GRIK2: variants seen among roughly 807,000 people sequenced by gnomAD.
GRIK2 encodes glutamate receptor ionotropic, kainate 2.
A neutral mutation model predicts 100.3 loss-of-function variants in GRIK2; 32 were observed. That is an observed-to-expected ratio of 0.32 (90% CI 0.24 to 0.43). The LOEUF (loss-of-function observed/expected upper bound fraction) is 0.43, where lower values mean the gene tolerates loss of function less well. Among genes scored for constraint, GRIK2 ranks in the 20% least tolerant of loss-of-function variants. The pLI, the probability that GRIK2 is intolerant of heterozygous loss-of-function variation, is 1.00. For missense variants in GRIK2, 843 were observed against 1,114.9 expected, an observed-to-expected ratio of 0.76 and a Z score of 3.47; for synonymous variants, 417 against 389.4, an observed-to-expected ratio of 1.07 and a Z score of -0.83.
At chr6:101,890,182 AC>A (rs1219274645) in intron 12 of GRIK2, 4 of 191,318 alleles carry the variant, frequency 2.1e-5, no homozygotes, top group Admixed American at 1.8e-4. Flanking sequence ...AAGAACCAAA[AC>A]TAAAATAACA....
chr6:101,652,105 A>C (rs191701025), intron 4 of GRIK2, among the ~76,000 whole-genome samples: 103 of 152,276 alleles, frequency 6.8e-4, no homozygotes, highest in African/African-American at 2.2e-3. Flanking sequence ...GTTTCCGTGG[A>C]GTGATGGAGG....
chr6:101,424,724 C>G (rs992930767), intron 2 of GRIK2, among the ~76,000 whole-genome samples: 202 of 151,860 alleles, frequency 1.3e-3, no homozygotes, highest in African/African-American at 4.6e-3. Flanking sequence ...CCTCTCCCCC[C>G]ACCCACAACA....
chr6:101,455,996 G>A (rs138135191), intron 2 of GRIK2, among the ~76,000 whole-genome samples: 4 of 151,656 alleles, frequency 2.6e-5, no homozygotes, highest in African/African-American at 9.7e-5. Flanking sequence ...AACTCAAAAA[G>A]CTAACATGGC....
intron 16 of GRIK2, chr6:102,065,863 A>G: frequency 1.4e-6 from 2 of 1,478,376 alleles, no homozygotes; most frequent in South Asian, 2.6e-5. Context: ...TTCCATTTCT[A>G]CAGTGTTGTC....
intron 10 of GRIK2, among the ~76,000 whole-genome samples, chr6:101,837,167 T>C (rs1049406586): frequency 7.9e-5 from 12 of 152,164 alleles, no homozygotes; most frequent in African/African-American, 2.9e-4. Context: ...AAACAATAGA[T>C]AGATTCTGTT....
At chr6:101,947,796 CATT>C (rs1469755448) in intron 14 of GRIK2, among the ~76,000 whole-genome samples, 2 of 152,146 alleles carry the variant, frequency 1.3e-5, no homozygotes, top group Non-Finnish European at 2.9e-5. Context: ...ATCTTTCAGA[CATT>C]AGTAGGTGTG....
chr6:101,965,481 C>A (rs1792604165), intron 14 of GRIK2, among the ~76,000 whole-genome samples: 1 of 152,100 alleles, frequency 6.6e-6, no homozygotes, highest in African/African-American at 2.4e-5. Context: ...CCTCATTTTG[C>A]AGTTTGTTCC....
At chr6:101,529,252 A>G (rs1454161120) in intron 2 of GRIK2, among the ~76,000 whole-genome samples, 1 of 152,128 alleles carries the variant, frequency 6.6e-6, no homozygotes, top group Non-Finnish European at 1.5e-5. Context: ...CCTACAGCAG[A>G]GCATCATCAG....
At chr6:101,719,262 CA>C (rs1329359781) in intron 7 of GRIK2, among the ~76,000 whole-genome samples, 2 of 148,080 alleles carry the variant, frequency 1.4e-5, no homozygotes, top group African/African-American at 2.5e-5. Flanking sequence ...GGGAAAGTAG[CA>C]AGCACATTTT....
intron 14 of GRIK2, among the ~76,000 whole-genome samples, chr6:101,999,860 ATTC>A (rs755645435): frequency 1.3e-5 from 2 of 151,986 alleles, no homozygotes; most frequent in African/African-American, 2.4e-5. Flanking sequence ...TTACTGAAAT[ATTC>A]TTTTTTAGTG....
At chr6:101,475,658 A>G (rs890296565) in intron 2 of GRIK2, among the ~76,000 whole-genome samples, 17 of 151,862 alleles carry the variant, frequency 1.1e-4, no homozygotes, top group South Asian at 2.1e-4. Context: ...CTCTTTTTTC[A>G]TAATCAAAAG....
At chr6:101,871,473 C>T (rs1281824275) in intron 11 of GRIK2, among the ~76,000 whole-genome samples, 1 of 150,754 alleles carries the variant, frequency 6.6e-6, no homozygotes, top group Non-Finnish European at 1.5e-5. Flanking sequence ...GTGCATGATC[C>T]CATAACCCCG....
At chr6:101,757,554 A>G (rs1470750610) in intron 7 of GRIK2, among the ~76,000 whole-genome samples, 1 of 152,194 alleles carries the variant, frequency 6.6e-6, no homozygotes, top group East Asian at 1.9e-4. Context: ...GATAAATACA[A>G]TTATCATTCT....
intron 10 of GRIK2, among the ~76,000 whole-genome samples, chr6:101,845,329 T>C (rs1218470535): frequency 6.6e-6 from 1 of 152,160 alleles, no homozygotes; most frequent in Non-Finnish European, 1.5e-5. Flanking sequence ...TTTTTACCCA[T>C]GAGGCCCTGG....
At chr6:102,016,116 C>T (rs1215546525) in intron 14 of GRIK2, among the ~76,000 whole-genome samples, 1 of 152,130 alleles carries the variant, frequency 6.6e-6, no homozygotes, top group African/African-American at 2.4e-5. Flanking sequence ...CAAATGACTG[C>T]ACTAGTTGTC....
chr6:101,907,922 T>C (rs1351508109), intron 12 of GRIK2, among the ~76,000 whole-genome samples: 4 of 151,518 alleles, frequency 2.6e-5, no homozygotes, highest in Non-Finnish European at 5.9e-5. Context: ...TCACTGTTTT[T>C]CAGGGTCTTT....
intron 2 of GRIK2, among the ~76,000 whole-genome samples, chr6:101,604,688 C>T (rs187086085): frequency 2.0e-5 from 3 of 152,068 alleles, no homozygotes; most frequent in Admixed American, 2.0e-4. Context: ...TAATTATCCA[C>T]ATAATGATAG....
intron 14 of GRIK2, among the ~76,000 whole-genome samples, chr6:101,957,800 T>C (rs1792032654): frequency 6.6e-6 from 1 of 152,030 alleles, no homozygotes; most frequent in Non-Finnish European, 1.5e-5. Flanking sequence ...TTCTCCAGTG[T>C]ATACTTTTGT....
At chr6:101,715,067 C>T (rs1194057876) in intron 7 of GRIK2, among the ~76,000 whole-genome samples, 2 of 149,988 alleles carry the variant, frequency 1.3e-5, no homozygotes, top group African/African-American at 4.9e-5. Context: ...TATAAAATAC[C>T]ACAAAAAAAA....
Sources: gnomAD v4.1 joint callset for allele counts (sites outside exome capture counted in the v4.1 genomes callset) on GRCh38, gnomAD v4.1.1 for gene constraint, MANE v1.5 for transcripts, NCBI Gene and HGNC (gene_info 2026-07-23, HGNC 2026-07-21) for gene names.